The following SNX18 variants were observed in gnomAD, a reference collection of about 807,000 sequenced individuals.
SNX18 encodes the protein sorting nexin 18.
In SNX18, 35 loss-of-function variants were observed where a neutral mutation model predicts 48.7. The ratio of observed to expected loss-of-function variants is 0.72; its 90% CI spans 0.55 to 0.95. The LOEUF (loss-of-function observed/expected upper bound fraction) is 0.95. Ranked by LOEUF, SNX18 falls within the 40% of genes least tolerant of loss-of-function variation. The pLI is 0.00. For missense variants in SNX18, 824 were observed against 871.0 expected (o/e 0.95, Z 0.68); for synonymous variants, 492 against 384.7 (o/e 1.28, Z -3.26).
At chr5:54,595,524 C>T in the SNX18 span, among the ~76,000 whole-genome samples, 8 of 152,174 alleles carry the variant, frequency 5.3e-5, no homozygotes, top group South Asian at 2.1e-4. Flanking sequence ...TGTGAGCCAC[C>T]GCGCCTAGCC....
chr5:54,639,347 G>T, the SNX18 span, among the ~76,000 whole-genome samples: 1 of 152,208 alleles, frequency 6.6e-6, no homozygotes, highest in Middle Eastern at 3.2e-3. Flanking sequence ...TTTGTAGAAT[G>T]TATGGAGTGG....
At chr5:54,570,232 C>G in the SNX18 span, among the ~76,000 whole-genome samples, 6 of 152,220 alleles carry the variant, frequency 3.9e-5, no homozygotes, top group Non-Finnish European at 8.8e-5. Flanking sequence ...GCAAGAGACA[C>G]TAAGGATTGC....
the SNX18 span, among the ~76,000 whole-genome samples, chr5:54,557,906 T>G: frequency 6.6e-6 from 1 of 152,178 alleles, no homozygotes; most frequent in Admixed American, 6.5e-5. Flanking sequence ...TTTTATTTGT[T>G]TTTTAAAATA....
chr5:54,591,373 T>C, the SNX18 span, among the ~76,000 whole-genome samples: 2 of 152,184 alleles, frequency 1.3e-5, no homozygotes, highest in East Asian at 3.9e-4. Context: ...TTACTTTTTG[T>C]AGCAATGGGG....
chr5:54,547,910 T>C (rs1256429371), downstream of SNX18, among the ~76,000 whole-genome samples: 2 of 152,210 alleles, frequency 1.3e-5, no homozygotes, highest in Non-Finnish European at 2.9e-5. Flanking sequence ...AGCAACAGAA[T>C]TTGCTGAGTA....
rs754152009 is a variant in SNX18 at position 54,518,919 on chromosome 5, C to T, written c.967C>T (p.Leu323=). ...YKHFDWLYAR[L]AEKFPVISVP... Reference sequence around the variant, plus strand: ...GCACTTCGACTGGCTGTACGCGCGCCTGGCGGAGAAGTTCCCGGTCATCTC... The same window carrying T: ...GCACTTCGACTGGCTGTACGCGCGCTTGGCGGAGAAGTTCCCGGTCATCTC... The change falls in exon 1 of 2, where the codon CTG becomes TTG. Residue 323 remains leucine, a synonymous_variant. Transcript: ENST00000381410. 5 of 1,613,830 alleles carry T rather than the reference C, an allele frequency of 3.1e-6. No homozygotes were observed. The African/African-American group carries it at 5.3e-5, about 17-fold the overall frequency.
At chr5:54,600,036 G>A in the SNX18 span, among the ~76,000 whole-genome samples, 1 of 152,042 alleles carries the variant, frequency 6.6e-6, no homozygotes, top group Non-Finnish European at 1.5e-5. Context: ...AACTCAGAGT[G>A]AACAGGCAAC....
the SNX18 span, among the ~76,000 whole-genome samples, chr5:54,617,782 C>T: frequency 1.3e-5 from 2 of 151,988 alleles, no homozygotes; most frequent in African/African-American, 4.8e-5. Flanking sequence ...GCCTGGTCTC[C>T]AACTCCTGGC....
At chr5:54,608,115 T>G in the SNX18 span, among the ~76,000 whole-genome samples, 2 of 152,228 alleles carry the variant, frequency 1.3e-5, no homozygotes, top group Non-Finnish European at 2.9e-5. Context: ...AGAGTAGTTG[T>G]ACCATTTTGT....
At chr5:54,519,852 T>G (rs1304216085) in intron 1 of SNX18, 1 of 1,572,646 alleles carries the variant, frequency 6.4e-7, no homozygotes, top group Non-Finnish European at 8.7e-7. Flanking sequence ...TTTGAATAGT[T>G]GAGTAATGAG....
chr5:54,647,674 T>C, the SNX18 span, among the ~76,000 whole-genome samples: 7 of 152,200 alleles, frequency 4.6e-5, no homozygotes, highest in African/African-American at 1.7e-4. Context: ...ATTGAGGAGA[T>C]TCCCAGAAAA....
intron 1 of SNX18, among the ~76,000 whole-genome samples, chr5:54,542,904 C>T (rs1030713284): frequency 6.6e-6 from 1 of 152,118 alleles, no homozygotes; most frequent in Non-Finnish European, 1.5e-5. Flanking sequence ...TATAGCATCT[C>T]TACTTGGAAG....
chr5:54,599,564 C>T, the SNX18 span, among the ~76,000 whole-genome samples: 1 of 152,126 alleles, frequency 6.6e-6, no homozygotes. Context: ...AGGCATCACC[C>T]TACCAGACTT....
At chr5:54,645,634 G>C in the SNX18 span, 1 of 152,172 alleles carries the variant, frequency 6.6e-6, no homozygotes, top group Non-Finnish European at 1.5e-5. Flanking sequence ...GTTACAACAC[G>C]AATGTCTTCA....
At chr5:54,536,233 AT>A (rs111248726) in intron 1 of SNX18, among the ~76,000 whole-genome samples, 2,875 of 150,360 alleles carry the variant, frequency 0.019, 39 homozygotes, top group African/African-American at 0.035. Context: ...CTTCAAATTC[AT>A]TTTTTTTTTA....
chr5:54,540,618 G>C (rs1371844390), intron 1 of SNX18, among the ~76,000 whole-genome samples: 1 of 152,232 alleles, frequency 6.6e-6, no homozygotes, highest in Non-Finnish European at 1.5e-5. Flanking sequence ...TTTGGAGTTT[G>C]ACAAGCTGCA....
chr5:54,594,810 A>G, the SNX18 span, among the ~76,000 whole-genome samples: 1 of 151,504 alleles, frequency 6.6e-6, no homozygotes, highest in African/African-American at 2.4e-5. Flanking sequence ...ATAGTTTTTA[A>G]CTCTCACCCT....
At chr5:54,643,407 T>C in the SNX18 span, 1 of 152,306 alleles carries the variant, frequency 6.6e-6, no homozygotes, top group East Asian at 1.9e-4. Flanking sequence ...ATTCAATTTA[T>C]AGCAATACTT....
chr5:54,526,933 A>G (rs1762141663), intron 1 of SNX18, among the ~76,000 whole-genome samples: 3 of 152,074 alleles, frequency 2.0e-5, no homozygotes, highest in African/African-American at 7.2e-5. Flanking sequence ...CTCTGGAGTC[A>G]GGAGAGTCGT....
Sources: gnomAD v4.1 joint callset for allele counts (sites outside exome capture counted in the v4.1 genomes callset) on GRCh38, gnomAD v4.1.1 for gene constraint, MANE v1.5 for transcripts, NCBI Gene and HGNC (gene_info 2026-07-23, HGNC 2026-07-21) for gene names.